NRBP1: variants seen among roughly 807,000 people sequenced by gnomAD.
The protein encoded by NRBP1 is nuclear receptor binding protein 1.
NRBP1 carries 10 observed loss-of-function variants against 76.0 expected under a neutral mutation model. The ratio of observed to expected loss-of-function variants is 0.13; its 90% CI spans 0.08 to 0.22. NRBP1 has a LOEUF of 0.22. Ranked by LOEUF, NRBP1 falls within the 10% of genes least tolerant of loss-of-function variation. The probability of loss-of-function intolerance (pLI) is 1.00; values close to 1 mark genes in which losing one functional copy is unlikely to be tolerated. For synonymous variants in NRBP1, 235 were observed against 240.2 expected (o/e 0.98, Z 0.20); for missense variants, 344 against 646.0 (o/e 0.53, Z 5.07).
Position 27,440,594 on chromosome 2 carries a change from T to A in NRBP1, c.1143-58T>A, listed in dbSNP as rs1031116794. On this transcript the variant is annotated intron_variant, in intron 12 of 17. Transcript: ENST00000379852. ...AAACTGTCCATTCTCTGGGAATGCTTGAATTTGCTATTTTGCTTGTTTCTT... is the reference window on the plus strand; with the variant it reads ...AAACTGTCCATTCTCTGGGAATGCTAGAATTTGCTATTTTGCTTGTTTCTT... 8 of 1,609,984 alleles carry A rather than the reference T, an allele frequency of 5.0e-6. No homozygotes were observed. In the Admixed American group the frequency reaches 1.2e-4, roughly 23 times the overall value.
Position 27,435,320 on chromosome 2 carries a change from T to A in NRBP1, c.661+93T>A. The A allele has an allele frequency of 1.1e-5, 11 of 1,039,586 alleles. No homozygotes were observed. The South Asian group carries it at 1.6e-4, about 15-fold the overall frequency. The allele number at this position is 1,039,586 out of a possible 1,614,324, so 64.4% of individuals were successfully genotyped here. A position where few individuals can be genotyped will look rare whatever the true frequency, so the allele number is the denominator to read the frequency against. On this transcript the variant is annotated intron_variant, in intron 7 of 17. Coordinates refer to ENST00000379852, the MANE Select transcript of NRBP1 (RefSeq NM_013392.4). ...AGGAATGGGGGATAACAGAGCAAAATTCTGAGGTGTGGGCTGGTGAGAAGA... is the reference window on the plus strand; with the variant it reads ...AGGAATGGGGGATAACAGAGCAAAAATCTGAGGTGTGGGCTGGTGAGAAGA...
At chr2:27,438,652 A>G (rs1303761665) in intron 10 of NRBP1, among the ~76,000 whole-genome samples, 1 of 152,212 alleles carries the variant, frequency 6.6e-6, no homozygotes, top group Non-Finnish European at 1.5e-5. Flanking sequence ...GTCATGGGAC[A>G]TGCAGGAGGT....
At chr2:27,436,423 G>A in intron 7 of NRBP1, 1 of 253,540 alleles carries the variant, frequency 3.9e-6, no homozygotes, top group Non-Finnish European at 7.6e-6. Flanking sequence ...ATTTAGGGAA[G>A]GTGAACGCAG....
At position 27,428,679 on chromosome 2, in the gene NRBP1, C is replaced by T. The variant is rs899407142; in HGVS notation, c.-73C>T. ...TGAGGGAGTCGCTGTGATCCGGGGC[C>T]CCGGAACCCGAGCTGGAGCTGAAGC... On this transcript the variant is annotated 5_prime_UTR_variant, in exon 1 of 18. Transcript: ENST00000379852. The T allele has an allele frequency of 5.0e-6, 2 of 398,034 alleles. No homozygotes were observed. The highest frequency in any genetic ancestry group is 2.1e-5 in the African/African-American group (1 of 48,608). The allele number at this position is 398,034 out of a possible 1,614,324, so 24.7% of individuals were successfully genotyped here. A position where few individuals can be genotyped will look rare whatever the true frequency, so the allele number is the denominator to read the frequency against.
chr2:27,429,150 G>T (rs1250808143), intron 1 of NRBP1: 1 of 153,132 alleles, frequency 6.5e-6, no homozygotes, highest in Non-Finnish European at 1.5e-5. Context: ...CGTGGCCTGC[G>T]CCCCTGACTG....
intron 7 of NRBP1, chr2:27,436,495 T>A (rs1664313017): frequency 2.2e-6 from 1 of 464,132 alleles, no homozygotes; most frequent in South Asian, 2.7e-5. Context: ...CCCCTGTGTA[T>A]CTGTTAATTT....
Position 27,434,767 on chromosome 2 carries a change from G to C in NRBP1, c.566+5G>C, listed in dbSNP as rs1023250846. 1 of 1,613,720 alleles carries C rather than the reference G, an allele frequency of 6.2e-7. No individual in the cohort carries two copies. The highest frequency in any genetic ancestry group is 8.5e-7 in the Non-Finnish European group (1 of 1,179,738). Reference sequence around the variant, plus strand: ...ACAAATCCTCTCTGCCCTAAGGTAAGTAGTACCTGGTTAGTTTCTTACCCA... The same window carrying C: ...ACAAATCCTCTCTGCCCTAAGGTAACTAGTACCTGGTTAGTTTCTTACCCA... On this transcript the variant is annotated splice_donor_5th_base_variant and intron_variant, in intron 6 of 17. Transcript: ENST00000379852.
intron 1 of NRBP1, among the ~76,000 whole-genome samples, chr2:27,430,423 T>C (rs1383074559): frequency 6.6e-6 from 1 of 151,970 alleles, no homozygotes; most frequent in African/African-American, 2.4e-5. Context: ...GAGGAGCACA[T>C]TTAGTTTCCA....
At chr2:27,434,910 T>C in intron 6 of NRBP1, 148 bp downstream of exon 6, 1 of 832,424 alleles carries the variant, frequency 1.2e-6, no homozygotes, top group African/African-American at 1.7e-5. Flanking sequence ...TACGGGTCTT[T>C]TAAAGGGTGC....
chr2:27,429,820 C>T (rs1015501196), intron 1 of NRBP1, among the ~76,000 whole-genome samples: 1 of 152,132 alleles, frequency 6.6e-6, no homozygotes, highest in Admixed American at 6.5e-5. Flanking sequence ...TTATTTGTGT[C>T]CTCGGTCCAG....
intron 1 of NRBP1, 80 bp from the exon 2 acceptor site, chr2:27,433,174 C>T: frequency 9.5e-7 from 1 of 1,049,364 alleles, no homozygotes; most frequent in Non-Finnish European, 1.4e-6. Flanking sequence ...CCACCACGTC[C>T]AGCCTGGATT....
chr2:27,440,114 C>T (rs369341728), intron 11 of NRBP1, among the ~76,000 whole-genome samples: 13 of 145,498 alleles, frequency 8.9e-5, no homozygotes, highest in African/African-American at 2.8e-4. Flanking sequence ...CAGGCTCAAG[C>T]GATTCTTGTG....
chr2:27,441,598 G>A lies in NRBP1; in HGVS notation c.1479G>A (p.Leu493=). ...NENIPELAAE[L]VQLGFISEAD... The stretch of plus-strand genomic sequence containing the variant: ...ATATCCCCGAGTTGGCGGCTGAGCT[G>A]GTGCAGCTGGGCTTCATTAGTGAGG... Residue 493 remains leucine, a synonymous_variant, in exon 17 of 18, where the codon CTG becomes CTA. Coordinates refer to ENST00000379852, the MANE Select transcript of NRBP1 (RefSeq NM_013392.4). The A allele has an allele frequency of 1.2e-6, 2 of 1,614,078 alleles. No individual in the cohort carries two copies.
chr2:27,428,142 T>C (rs1264528044), upstream of NRBP1: 1 of 152,534 alleles, frequency 6.6e-6, no homozygotes, highest in Non-Finnish European at 1.5e-5. Flanking sequence ...CAAATAGTGC[T>C]AAGCAATCAC....
intron 1 of NRBP1, 100 bp from the exon 2 acceptor site, chr2:27,433,154 C>T: frequency 1.3e-6 from 1 of 791,250 alleles, no homozygotes; most frequent in Non-Finnish European, 2.0e-6. Flanking sequence ...GCTGGGATTA[C>T]AGGCATGAGC....
Position 27,441,796 on chromosome 2 carries a change from T to G in NRBP1, c.1592T>G (p.Val531Gly). ...AACAGTACCCTCAACTCAGCCGCTGTCACCGTCTCCTCTTAGAGCTCACTC... is the reference window on the plus strand; with the variant it reads ...AACAGTACCCTCAACTCAGCCGCTGGCACCGTCTCCTCTTAGAGCTCACTC... ...ARNSTLNSAA[V>G]TVSS Residue 531 changes from valine (V) to glycine (G), a missense_variant, in exon 18 of 18, where the codon GTC (valine) becomes GGC (glycine). Coordinates refer to ENST00000379852, the MANE Select transcript of NRBP1 (RefSeq NM_013392.4). 3 of 1,611,970 alleles carry G rather than the reference T, an allele frequency of 1.9e-6. No individual in the cohort carries two copies. Among genetic ancestry groups the G allele is most frequent in the Non-Finnish European group, 2.5e-6 (3 of 1,178,126 alleles).
In NRBP1 at chr2:27,440,671, C is replaced by T; in HGVS notation, c.1162C>T (p.Leu388=). Residue 388 remains leucine (L), a synonymous_variant, in exon 13 of 18, where the codon CTG becomes TTG. Coordinates refer to ENST00000379852, the MANE Select transcript of NRBP1 (RefSeq NM_013392.4). Reference sequence around the variant, plus strand: ...GTCCAGGTACTCTCAGTCACCAGCTCTGGAATTAGATAAATTCCTTGAAGA... The same window carrying T: ...GTCCAGGTACTCTCAGTCACCAGCTTTGGAATTAGATAAATTCCTTGAAGA... ...VQTLYSQSPA[L]ELDKFLEDVR... 1 of 1,614,222 alleles carries T rather than the reference C, an allele frequency of 6.2e-7. No homozygotes were observed. The highest frequency in any genetic ancestry group is 8.5e-7 in the Non-Finnish European group (1 of 1,180,046).
Position 27,441,013 on chromosome 2 carries a change from C to A in NRBP1, c.1329+73C>A, listed in dbSNP as rs889138089. 5.0e-6 allele frequency: 8 copies of A among 1,609,664 alleles called. No homozygotes were observed. The African/African-American group carries it at 1.1e-4, about 22-fold the overall frequency. On this transcript the variant is annotated intron_variant, in intron 14 of 17. Coordinates refer to ENST00000379852, the MANE Select transcript of NRBP1 (RefSeq NM_013392.4). ...GAGAGAGGACATCTCAAATAAGGCT[C>A]TATCCTTTAGAGAAAATGCTCCCTA...
At chr2:27,441,405 G>A (rs1288494077) in intron 16 of NRBP1, 75 bp downstream of exon 16, 7 of 1,473,350 alleles carry the variant, frequency 4.8e-6, no homozygotes, top group South Asian at 2.3e-5. Flanking sequence ...AGGGGTGGGG[G>A]AGGTGACAAG....
Sources: allele counts gnomAD v4.1 joint callset (sites outside exome capture counted in the v4.1 genomes callset), GRCh38; gene constraint gnomAD v4.1.1; transcripts MANE v1.5; gene names NCBI Gene and HGNC (gene_info 2026-07-23, HGNC 2026-07-21).